PACRGL: variants seen among roughly 807,000 people sequenced by gnomAD.
The protein encoded by PACRGL is parkin coregulated like.
PACRGL carries 38 observed loss-of-function variants against 34.5 expected under a neutral mutation model. The ratio of observed to expected loss-of-function variants is 1.10; its 90% CI spans 0.85 to 1.44. The LOEUF is 1.44. Among genes scored for constraint, PACRGL ranks in the 40% most tolerant of loss-of-function variants. PACRGL has a pLI of 0.00. For missense variants in PACRGL, 305 were observed against 281.4 expected (o/e 1.08, Z -0.60); for synonymous variants, 128 against 100.1 (o/e 1.28, Z -1.66).
intron 8 of PACRGL, among the ~76,000 whole-genome samples, chr4:20,750,215 A>G (rs1394072913): frequency 6.6e-6 from 1 of 152,178 alleles, no homozygotes. Context: ...GAAGGTGAAA[A>G]ACATACCCAA....
At chr4:20,723,936 C>T (rs945155672) in intron 7 of PACRGL, among the ~76,000 whole-genome samples, 7 of 152,146 alleles carry the variant, frequency 4.6e-5, no homozygotes, top group African/African-American at 9.7e-5. Flanking sequence ...GGATCCCCTT[C>T]GTCCCTCACC....
intron 7 of PACRGL, 54 bp downstream of exon 7, chr4:20,713,593 A>T: frequency 4.4e-6 from 6 of 1,375,436 alleles, no homozygotes; most frequent in East Asian, 2.3e-5. Flanking sequence ...TGCACCATCC[A>T]TATCTCTTCA....
the PACRGL span, chr4:20,758,912 C>G: frequency 6.2e-7 from 1 of 1,600,328 alleles, no homozygotes. Context: ...GGCAGAGAAG[C>G]AATATGAGCA....
chr4:20,713,255 T>A, intron 6 of PACRGL, 177 bp from the exon 7 acceptor site: 1 of 584,366 alleles, frequency 1.7e-6, no homozygotes, highest in Middle Eastern at 3.1e-4. Flanking sequence ...TGCTTCTAGA[T>A]GTCCTGTGTT....
chr4:20,742,500 T>G (rs2149309064), intron 8 of PACRGL, among the ~76,000 whole-genome samples: 1 of 152,274 alleles, frequency 6.6e-6, no homozygotes, highest in Non-Finnish European at 1.5e-5. Context: ...AGAAGAGGCC[T>G]TTGACAATAT....
In PACRGL at chr4:20,727,673, C is replaced by T. The variant is rs1746342014; in HGVS notation, c.*332C>T. On this transcript the variant is annotated 3_prime_UTR_variant, in exon 9 of 9. Coordinates refer to ENST00000503585, the MANE Select transcript of PACRGL (RefSeq NM_001258345.3). ...TTTATAACAACACTTTTTTGGCAATCAGTTTGTAGCTGTGCCCTTATTTTT... is the reference window on the plus strand; with the variant it reads ...TTTATAACAACACTTTTTTGGCAATTAGTTTGTAGCTGTGCCCTTATTTTT... The T allele has an allele frequency of 5.0e-6, 1 of 199,456 alleles. No individual in the cohort carries two copies. Among genetic ancestry groups the T allele is most frequent in the Non-Finnish European group, 1.0e-5 (1 of 98,428 alleles). The allele number at this position is 199,456 out of a possible 1,614,324, so 12.4% of individuals were successfully genotyped here.
In PACRGL at chr4:20,707,826, T is replaced by C; in HGVS notation, c.231T>C (p.Pro77=). ...AGTTTGGTGAACAGTCACGAGTGCC[T>C]TCTGCATTTGCAGCTATTTACTCTA... ...INPFGEQSRV[P]SAFAAIYSKG... The change falls in exon 4 of 9, where the codon CCT becomes CCC. Residue 77 remains proline, a synonymous_variant. Coordinates refer to ENST00000503585, the MANE Select transcript of PACRGL (RefSeq NM_001258345.3). 1 of 1,613,918 alleles carries C rather than the reference T, an allele frequency of 6.2e-7. No individual in the cohort carries two copies. Among genetic ancestry groups the C allele is most frequent in the Non-Finnish European group, 8.5e-7 (1 of 1,179,792 alleles).
At chr4:20,704,889 T>C in intron 3 of PACRGL, 75 bp downstream of exon 3, 6 of 1,506,312 alleles carry the variant, frequency 4.0e-6, no homozygotes, top group Non-Finnish European at 5.5e-6. Flanking sequence ...TGCTGGATGC[T>C]GTGTTGAGTT....
chr4:20,723,134 TAGTG>T (rs1185830865), intron 7 of PACRGL, among the ~76,000 whole-genome samples: 1 of 152,060 alleles, frequency 6.6e-6, no homozygotes, highest in Non-Finnish European at 1.5e-5. Flanking sequence ...GGAGAAGACA[TAGTG>T]AGAATAGACT....
At chr4:20,698,584 G>A (rs1042205484), upstream of PACRGL, among the ~76,000 whole-genome samples, 1 of 152,158 alleles carries the variant, frequency 6.6e-6, no homozygotes, top group Non-Finnish European at 1.5e-5. Context: ...ATTCAAGAAA[G>A]CACCCACCAC....
chr4:20,746,528 A>G (rs973620577), intron 8 of PACRGL, among the ~76,000 whole-genome samples: 6 of 152,170 alleles, frequency 3.9e-5, no homozygotes, highest in African/African-American at 1.4e-4. Context: ...TAATTAAAAA[A>G]AAAATCCCCC....
At chr4:20,722,977 A>T (rs558432194) in intron 7 of PACRGL, among the ~76,000 whole-genome samples, 1 of 152,228 alleles carries the variant, frequency 6.6e-6, no homozygotes, top group South Asian at 2.1e-4. Context: ...TGTATTTTTA[A>T]CTTCCTATTC....
At chr4:20,718,107 G>A (rs984339442) in intron 7 of PACRGL, among the ~76,000 whole-genome samples, 1 of 152,086 alleles carries the variant, frequency 6.6e-6, no homozygotes, top group Non-Finnish European at 1.5e-5. Context: ...GTTGTGAATG[G>A]GAGTTCACTC....
At chr4:20,742,077 A>G (rs1416239456) in intron 8 of PACRGL, among the ~76,000 whole-genome samples, 1 of 152,222 alleles carries the variant, frequency 6.6e-6, no homozygotes, top group Non-Finnish European at 1.5e-5. Flanking sequence ...GCAATAATTA[A>G]TAGCCTGCCA....
At chr4:20,701,119 G>A (rs1201167550) in intron 1 of PACRGL, among the ~76,000 whole-genome samples, 1 of 152,108 alleles carries the variant, frequency 6.6e-6, no homozygotes, top group Non-Finnish European at 1.5e-5. Flanking sequence ...TTACACGTTT[G>A]GAACTTTCTA....
chr4:20,732,823 T>G (rs772145698), downstream of PACRGL: 1 of 1,224,958 alleles, frequency 8.2e-7, no homozygotes, highest in East Asian at 2.3e-5. Context: ...GCTGCACACA[T>G]GTATGAAGAA....
intron 8 of PACRGL, among the ~76,000 whole-genome samples, chr4:20,750,973 G>C (rs1325649850): frequency 2.0e-5 from 3 of 152,146 alleles, no homozygotes; most frequent in Non-Finnish European, 4.4e-5. Context: ...AGTAACAGGA[G>C]TACAGAATTG....
rs1747975117 is a variant in PACRGL at position 20,730,938 on chromosome 4, AT to A, written c.*3599del. On this transcript the variant is annotated 3_prime_UTR_variant, in exon 9 of 9. Transcript: ENST00000503585. ...CAAGCAGCTTAATGTCACCAAATTA[AT>A]TCTCTCAAAGACCACTGCATGGAAA... Among the ~76,000 whole-genome samples the A allele has an allele frequency of 6.6e-6, 1 of 152,216 alleles. No individual in the cohort carries two copies. Among genetic ancestry groups the A allele is most frequent in the Admixed American group, 6.5e-5 (1 of 15,270 alleles).
intron 7 of PACRGL, among the ~76,000 whole-genome samples, chr4:20,713,811 G>A (rs1373476083): frequency 1.3e-5 from 2 of 152,158 alleles, no homozygotes; most frequent in East Asian, 1.9e-4. Flanking sequence ...GCGGTTTTGA[G>A]TGAGTTTCTT....
Sources: gnomAD v4.1 joint callset for allele counts (sites outside exome capture counted in the v4.1 genomes callset) on GRCh38, gnomAD v4.1.1 for gene constraint, MANE v1.5 for transcripts, NCBI Gene and HGNC (gene_info 2026-07-23, HGNC 2026-07-21) for gene names.